CHD9: variants seen among roughly 807,000 people sequenced by gnomAD.
The protein encoded by CHD9 is ATP-dependent chromatin remodeler CHD9.
In CHD9, 77 loss-of-function variants were observed where a neutral mutation model predicts 316.1. The ratio of observed to expected loss-of-function variants is 0.24; its 90% confidence interval spans 0.20 to 0.29. The LOEUF is 0.29. Among genes scored for constraint, CHD9 ranks in the 10% least tolerant of loss-of-function variants. The pLI, the probability that CHD9 is intolerant of heterozygous loss-of-function variation, is 1.00. For synonymous variants in CHD9, 1,129 were observed against 1,158.3 expected, an observed-to-expected ratio of 0.97 and a Z score of 0.51; for missense variants, 2,763 against 3,438.1, an observed-to-expected ratio of 0.80 and a Z score of 4.91.
intron 1 of CHD9, among the ~76,000 whole-genome samples, chr16:53,094,564 T>G (rs1398867278): frequency 6.6e-6 from 1 of 152,146 alleles, no homozygotes; most frequent in Admixed American, 6.5e-5. Flanking sequence ...CACACCCTGC[T>G]TTATTTCCCG....
chr16:53,187,221 G>A (rs892763828), intron 2 of CHD9, among the ~76,000 whole-genome samples: 1 of 152,022 alleles, frequency 6.6e-6, no homozygotes, highest in Non-Finnish European at 1.5e-5. Context: ...AAGTGTAGAG[G>A]GAGAAGCCAG....
intron 37 of CHD9, among the ~76,000 whole-genome samples, chr16:53,320,436 C>T (rs1216604828): frequency 1.3e-5 from 2 of 151,996 alleles, no homozygotes; most frequent in Non-Finnish European, 2.9e-5. Context: ...GCAGGAGAAT[C>T]GCTTGAACTT....
chr16:53,237,128 C>G (rs144791214), intron 11 of CHD9, among the ~76,000 whole-genome samples: 108 of 152,156 alleles, frequency 7.1e-4, no homozygotes, highest in African/African-American at 2.3e-3. Flanking sequence ...CAAAATTGTT[C>G]TTCCTCTGTA....
chr16:53,184,677 A>C (rs368471653), intron 2 of CHD9, among the ~76,000 whole-genome samples: 1 of 152,076 alleles, frequency 6.6e-6, no homozygotes, highest in African/African-American at 2.4e-5. Context: ...TGCCATGTAG[A>C]AGGCCTTGGA....
At chr16:53,280,715 C>G (rs1297716008) in intron 24 of CHD9, among the ~76,000 whole-genome samples, 1 of 151,964 alleles carries the variant, frequency 6.6e-6, no homozygotes, top group Admixed American at 6.6e-5. Context: ...TAAGGTTACC[C>G]AGATAAAAAT....
chr16:53,262,790 C>T (rs939319778), intron 19 of CHD9, among the ~76,000 whole-genome samples, 197 bp from the exon 20 acceptor site: 1 of 152,200 alleles, frequency 6.6e-6, no homozygotes, highest in Non-Finnish European at 1.5e-5. Context: ...AATTCTGCTC[C>T]TAAACTTCAG....
chr16:53,285,098 C>A (rs1643505357), intron 24 of CHD9, among the ~76,000 whole-genome samples: 1 of 152,074 alleles, frequency 6.6e-6, no homozygotes, highest in South Asian at 2.1e-4. Context: ...AATTATGAAT[C>A]AAAAATTTGC....
At chr16:53,323,925 A>AT in intron 38 of CHD9, 95 bp from the exon 39 acceptor site, 1 of 1,045,720 alleles carries the variant, frequency 9.6e-7, no homozygotes, top group Non-Finnish European at 1.4e-6. Flanking sequence ...ATTTACAAAT[A>AT]ATTACCTATT....
intron 16 of CHD9, chr16:53,248,288 A>G (rs932180170): frequency 4.0e-5 from 6 of 151,452 alleles, no homozygotes; most frequent in Non-Finnish European, 8.8e-5. Flanking sequence ...GTGAGCCGAG[A>G]TCGTGCCTCT....
chr16:53,216,974 A>G (rs1015210983), intron 3 of CHD9, among the ~76,000 whole-genome samples: 13 of 152,174 alleles, frequency 8.5e-5, no homozygotes, highest in Admixed American at 2.6e-4. Flanking sequence ...GAACCATAGC[A>G]TGATTATCAA....
At chr16:53,248,197 A>G (rs1465564301) in intron 16 of CHD9, 2 of 151,548 alleles carry the variant, frequency 1.3e-5, no homozygotes, top group Non-Finnish European at 2.9e-5. Context: ...TCAGCCGGGC[A>G]TGATGGCGGG....
At chr16:53,129,801 G>T (rs1206344847) in intron 1 of CHD9, among the ~76,000 whole-genome samples, 1 of 152,176 alleles carries the variant, frequency 6.6e-6, no homozygotes, top group African/African-American at 2.4e-5. Context: ...TCGGTAGAAA[G>T]CCAGCTAAGG....
At chr16:53,069,779 T>C (rs531399738) in intron 1 of CHD9, among the ~76,000 whole-genome samples, 1 of 152,316 alleles carries the variant, frequency 6.6e-6, no homozygotes, top group East Asian at 1.9e-4. Context: ...GATCTTATGG[T>C]AATTCTGTGT....
intron 1 of CHD9, among the ~76,000 whole-genome samples, chr16:53,122,632 C>T (rs1348486505): frequency 1.3e-5 from 2 of 151,496 alleles, no homozygotes; most frequent in East Asian, 3.9e-4. Context: ...GCAAACTCCA[C>T]CTCCCAGGTT....
chr16:53,263,948 G>A (rs1005482271), intron 20 of CHD9, among the ~76,000 whole-genome samples: 2 of 151,974 alleles, frequency 1.3e-5, no homozygotes, highest in Admixed American at 6.6e-5. Context: ...TAACTGGATA[G>A]AAGATAAATA....
At chr16:53,131,402 G>A (rs1417631319) in intron 1 of CHD9, 2 of 145,508 alleles carry the variant, frequency 1.4e-5, no homozygotes, top group Admixed American at 6.8e-5. Context: ...TGAGGGATCC[G>A]GTCCCGGGGC....
intron 3 of CHD9, among the ~76,000 whole-genome samples, chr16:53,222,419 A>T (rs1462138308): frequency 6.6e-6 from 1 of 152,104 alleles, no homozygotes; most frequent in Non-Finnish European, 1.5e-5. Context: ...TGTACTTCTG[A>T]GTACATTAAT....
intron 1 of CHD9, among the ~76,000 whole-genome samples, chr16:53,131,721 C>A (rs73590892): frequency 0.28 from 41,862 of 151,948 alleles, 5,864 homozygotes; most frequent in Middle Eastern, 0.29. Flanking sequence ...TCTTTCCCTG[C>A]CCGTGCTTTC....
chr16:53,079,366 C>G (rs967167022), intron 1 of CHD9, among the ~76,000 whole-genome samples: 1 of 152,186 alleles, frequency 6.6e-6, no homozygotes, highest in Non-Finnish European at 1.5e-5. Flanking sequence ...GAACCAATGA[C>G]TTAGCATAAA....
Sources: gnomAD v4.1 joint callset for allele counts (sites outside exome capture counted in the v4.1 genomes callset) on GRCh38, gnomAD v4.1.1 for gene constraint, MANE v1.5 for transcripts, NCBI Gene and HGNC (gene_info 2026-07-23, HGNC 2026-07-21) for gene names.